ZSCAN30: variants seen among roughly 807,000 people sequenced by gnomAD.
ZSCAN30 encodes zinc finger and SCAN domain-containing protein 30.
In ZSCAN30, 37 loss-of-function variants were observed where a neutral mutation model predicts 44.3. The ratio of observed to expected loss-of-function variants is 0.84; its 90% CI spans 0.64 to 1.10. The LOEUF (loss-of-function observed/expected upper bound fraction) is 1.10, where lower values mean the gene tolerates loss of function less well. ZSCAN30 is among the 50% of genes least tolerant of loss of function. The pLI, the probability that ZSCAN30 is intolerant of heterozygous loss-of-function variation, is 0.00. For synonymous variants in ZSCAN30, 181 were observed against 204.6 expected (o/e 0.88, Z 0.98); for missense variants, 549 against 582.6 (o/e 0.94, Z 0.59).
chr18:35,259,862 T>C (rs2043981145), intron 3 of ZSCAN30, among the ~76,000 whole-genome samples: 1 of 152,248 alleles, frequency 6.6e-6, no homozygotes, highest in South Asian at 2.1e-4. Context: ...GAATTTTCTT[T>C]TTTAAAAGTT....
intron 3 of ZSCAN30, chr18:35,258,525 T>G (rs2043918323): frequency 6.4e-6 from 1 of 155,216 alleles, no homozygotes; most frequent in African/African-American, 2.4e-5. Context: ...TGGCAAGATA[T>G]CCAAACAGAC....
In ZSCAN30 at chr18:35,252,419, C is replaced by T. The variant is rs181341738; in HGVS notation, c.*1031G>A. On this transcript the variant is annotated 3_prime_UTR_variant, in exon 4 of 4. Transcript: ENST00000333206. ...AGGCTCTGCTATTCCCCATTCCCTGCCCACACCCCTCCTTACCAGGCTTGC... is the reference window on the plus strand; with the variant it reads ...AGGCTCTGCTATTCCCCATTCCCTGTCCACACCCCTCCTTACCAGGCTTGC... 3.0e-3 allele frequency: 461 copies of T among 152,284 alleles called. 3 individuals carry two copies. The highest frequency in any genetic ancestry group is 3.7e-3 in the Non-Finnish European group (253 of 68,034). 9.4% of individuals were successfully genotyped at this position (152,284 alleles called of 1,614,324 possible). A position where few individuals can be genotyped will look rare whatever the true frequency, so the allele number is the denominator to read the frequency against.
rs1053451996 is a variant in ZSCAN30, at chr18:35,253,697, T to C, written c.1238A>G (p.Tyr413Cys). ...AGCCTTACCACATGCAATACATTCA[T>C]AGCTTTTATCTCCAGTGTGAATTTT... ...HKKIHTGDKS[Y>C]ECIACGKAFG... Residue 413 changes from tyrosine to cysteine, a missense_variant, in exon 4 of 4, where the codon TAT (tyrosine) becomes TGT (cysteine). Physicochemically the swap from Tyr to Cys is radical, Grantham distance 194. Transcript: ENST00000333206. The C allele has an allele frequency of 1.2e-5, 19 of 1,614,014 alleles. No individual in the cohort carries two copies. Among genetic ancestry groups the C allele is most frequent in the East Asian group, 4.5e-5 (2 of 44,886 alleles).
At chr18:35,278,005 CATAAA>C (rs1747437914) in intron 1 of ZSCAN30, among the ~76,000 whole-genome samples, 1 of 152,100 alleles carries the variant, frequency 6.6e-6, no homozygotes, top group African/African-American at 2.4e-5. Flanking sequence ...TGCAGCATCC[CATAAA>C]ATATTTTATG....
chr18:35,269,653 A>G (rs2044231232), intron 1 of ZSCAN30: 1 of 152,210 alleles, frequency 6.6e-6, no homozygotes, highest in Admixed American at 6.5e-5. Flanking sequence ...TATGGCTGAT[A>G]GGAACTGAGC....
intron 3 of ZSCAN30, chr18:35,259,667 G>A (rs1375251853): frequency 6.5e-6 from 1 of 154,168 alleles, no homozygotes; most frequent in Admixed American, 6.5e-5. Flanking sequence ...CTGGCTGGGG[G>A]TTACAGCTTC....
chr18:35,279,634 G>A (rs2044420980), intron 1 of ZSCAN30, among the ~76,000 whole-genome samples: 1 of 152,212 alleles, frequency 6.6e-6, no homozygotes, highest in African/African-American at 2.4e-5. Flanking sequence ...TTGGTGTCTG[G>A]AGAGGGTCTG....
chr18:35,283,863 C>T (rs1309675747), intron 1 of ZSCAN30: 1 of 152,376 alleles, frequency 6.6e-6, no homozygotes, highest in African/African-American at 2.4e-5. Flanking sequence ...CTCTTTCAGC[C>T]CCACCATTCA....
chr18:35,271,652 G>T (rs1047051513), intron 1 of ZSCAN30, among the ~76,000 whole-genome samples: 5 of 152,248 alleles, frequency 3.3e-5, no homozygotes, highest in African/African-American at 1.2e-4. Context: ...CCGCGTGCCT[G>T]CACTCCTCAG....
At chr18:35,268,890 A>C (rs2044217263) in intron 1 of ZSCAN30, 1 of 152,266 alleles carries the variant, frequency 6.6e-6, no homozygotes, top group Non-Finnish European at 1.5e-5. Context: ...AGTAGGCACA[A>C]GAAATTGAAG....
At chr18:35,256,326 G>A (rs1033031094) in intron 3 of ZSCAN30, 4 of 152,364 alleles carry the variant, frequency 2.6e-5, no homozygotes, top group African/African-American at 9.6e-5. Flanking sequence ...TGGAGGCTGA[G>A]GCAGGCAGAT....
chr18:35,270,712 C>G (rs573801706), intron 1 of ZSCAN30, among the ~76,000 whole-genome samples: 6 of 152,308 alleles, frequency 3.9e-5, no homozygotes, highest in Middle Eastern at 3.4e-3. Flanking sequence ...TCGCAAGTAG[C>G]TGGGATTACA....
At position 35,253,342 on chromosome 18, in the gene ZSCAN30, GAGGGA is replaced by G. The variant is rs1368112911; in HGVS notation, c.*103_*107del. ...ATGTCTTCTTATAGTACCGAACTGGGAGGGAAGGACAGAAGTTCTGCTCTCAGGAA... is the reference window on the plus strand; with the variant it reads ...ATGTCTTCTTATAGTACCGAACTGGGAGGACAGAAGTTCTGCTCTCAGGAA... On this transcript the variant is annotated 3_prime_UTR_variant, in exon 4 of 4. Coordinates refer to ENST00000333206, the MANE Select transcript of ZSCAN30 (RefSeq NM_001112734.4). 1 of 824,356 alleles carries G rather than the reference GAGGGA, an allele frequency of 1.2e-6. No homozygotes were observed. The highest frequency in any genetic ancestry group is 1.7e-5 in the African/African-American group (1 of 58,152). The allele number at this position is 824,356 out of a possible 1,614,324, so 51.1% of individuals were successfully genotyped here.
chr18:35,274,954 T>TTA (rs1319105218), intron 1 of ZSCAN30, among the ~76,000 whole-genome samples: 1 of 152,212 alleles, frequency 6.6e-6, no homozygotes, highest in Non-Finnish European at 1.5e-5. Flanking sequence ...AATTTCCTTT[T>TTA]TATATATATT....
intron 1 of ZSCAN30, chr18:35,283,242 TTAGA>T (rs2044491451): frequency 6.6e-6 from 1 of 151,580 alleles, no homozygotes; most frequent in African/African-American, 2.4e-5. Context: ...AATACAAAAA[TTAGA>T]TAGATGTGGT....
intron 1 of ZSCAN30, chr18:35,267,913 G>C (rs2044195415): frequency 6.6e-6 from 1 of 152,230 alleles, no homozygotes; most frequent in African/African-American, 2.4e-5. Context: ...ACAGTCCTAG[G>C]AGCTGCGGAA....
At chr18:35,260,224 G>C (rs2043993825) in intron 3 of ZSCAN30, 1 of 152,238 alleles carries the variant, frequency 6.6e-6, no homozygotes, top group Admixed American at 6.5e-5. Flanking sequence ...GTATTCGATG[G>C]TGTATACATA....
At chr18:35,275,876 C>G (rs2044358799) in intron 1 of ZSCAN30, among the ~76,000 whole-genome samples, 1 of 152,132 alleles carries the variant, frequency 6.6e-6, no homozygotes, top group South Asian at 2.1e-4. Context: ...TACTGGTTCT[C>G]TTCAACGTTT....
chr18:35,254,467 T>C (rs1175019528), intron 3 of ZSCAN30, 86 bp from the exon 4 acceptor site: 1 of 1,598,064 alleles, frequency 6.3e-7, no homozygotes, highest in Non-Finnish European at 8.5e-7. Flanking sequence ...CTCAATGAAA[T>C]AGGTATTTAT....
Sources: allele counts gnomAD v4.1 joint callset (sites outside exome capture counted in the v4.1 genomes callset), GRCh38; gene constraint gnomAD v4.1.1; transcripts MANE v1.5; gene names NCBI Gene and HGNC (gene_info 2026-07-23, HGNC 2026-07-21).